CDHR2: variants seen among roughly 807,000 people sequenced by gnomAD.
The protein encoded by CDHR2 is cadherin related family member 2.
A neutral mutation model predicts 138.6 loss-of-function variants in CDHR2; 104 were observed. The observed-to-expected ratio is 0.75, with a 90% confidence interval of 0.64 to 0.88. CDHR2 has a LOEUF of 0.88. Among genes scored for constraint, CDHR2 ranks in the 40% least tolerant of loss-of-function variants. The pLI, the probability that CDHR2 is intolerant of heterozygous loss-of-function variation, is 0.00. For missense variants in CDHR2, 1,624 were observed against 1,727.6 expected (o/e 0.94, Z 1.06); for synonymous variants, 755 against 742.8 (o/e 1.02, Z -0.27).
chr5:176,582,773 C>A (rs757968326), intron 17 of CDHR2, among the ~76,000 whole-genome samples: 20 of 152,144 alleles, frequency 1.3e-4, no homozygotes, highest in Non-Finnish European at 2.6e-4. Context: ...CAGAGCAAGA[C>A]CCTGTCTCAA....
At chr5:176,566,413 C>G (rs1383933413) in intron 3 of CDHR2, among the ~76,000 whole-genome samples, 1 of 152,210 alleles carries the variant, frequency 6.6e-6, no homozygotes, top group Non-Finnish European at 1.5e-5. Flanking sequence ...GGCCTAGATA[C>G]CACATTCCCA....
rs760959230 is a variant in CDHR2 at position 176,584,637 on chromosome 5, CA to C, written c.2357del (p.Gln786ArgfsTer6). On this transcript the variant is annotated frameshift_variant, in exon 19 of 32. Coordinates refer to ENST00000261944, the MANE Select transcript of CDHR2 (RefSeq NM_017675.6). LOFTEE classifies it high-confidence loss of function. ...LTVSAENPDP[Q>X]GGETIVDVCV... ...AGTGAGTGCTGAGAACCCAGACCCCCAGGGGGGTGAGACCATAGTAGACGTC... is the reference window on the plus strand; with the variant it reads ...AGTGAGTGCTGAGAACCCAGACCCCCGGGGGGTGAGACCATAGTAGACGTC... 1.6e-5 allele frequency: 25 copies of C among 1,611,480 alleles called. No individual in the cohort carries two copies. Among genetic ancestry groups the C allele is most frequent in the Non-Finnish European group, 2.1e-5 (25 of 1,178,040 alleles).
chr5:176,544,109 C>T (rs1403198762), intron 1 of CDHR2, among the ~76,000 whole-genome samples: 1 of 152,268 alleles, frequency 6.6e-6, no homozygotes, highest in Non-Finnish European at 1.5e-5. Flanking sequence ...CCACAAGCTG[C>T]ACAACCAGGT....
In CDHR2 at chr5:176,576,188, AGGCGTGGTGGCGTGGGTGTGGGCG is replaced by A. The variant is rs762155920; in HGVS notation, c.1194+6_1194+29del. The A allele has an allele frequency of 7.2e-7, 1 of 1,384,316 alleles. No individual in the cohort carries two copies. Among genetic ancestry groups the A allele is most frequent in the African/African-American group, 1.5e-5 (1 of 68,908 alleles). The allele number at this position is 1,384,316 out of a possible 1,614,324, so 85.8% of individuals were successfully genotyped here. ...TGGTGGTCTACGACCCGGACAAGGC[AGGCGTGGTGGCGTGGGTGTGGGCG>A]GGGGTGGCTGGGGGAGGCCAGTGGG... On this transcript the variant is annotated splice_donor_5th_base_variant and intron_variant, in intron 12 of 31. Coordinates refer to ENST00000261944, the MANE Select transcript of CDHR2 (RefSeq NM_017675.6). This position sits in a 1 kb window ranked among gnomAD's most constrained non-coding sequence, Gnocchi z 4.5.
chr5:176,578,774 C>T (rs1048017797), intron 16 of CDHR2, among the ~76,000 whole-genome samples, 166 bp downstream of exon 16: 9 of 152,202 alleles, frequency 5.9e-5, no homozygotes, highest in African/African-American at 2.2e-4. Flanking sequence ...TAGCCTTACT[C>T]TCAGGGTCAT....
chr5:176,590,672 T>G lies in CDHR2; in HGVS notation c.3524T>G (p.Val1175Gly). 1 of 1,613,364 alleles carries G rather than the reference T, an allele frequency of 6.2e-7. No individual in the cohort carries two copies. The highest frequency in any genetic ancestry group is 8.5e-7 in the Non-Finnish European group (1 of 1,179,960). ...LVLVIMTMAF[V>G]CVRKSYNRKL... The stretch of plus-strand genomic sequence containing the variant: ...CTTGTGATCATGACCATGGCCTTCG[T>G]GTGTGTGCGGAAGAGGTGCGGCTCC... The change falls in exon 28 of 32, where the codon GTG (valine) becomes GGG (glycine). Residue 1175 changes from valine to glycine, a missense_variant. Physicochemically the swap from Val to Gly is moderately radical, Grantham distance 109 (BLOSUM62 -3). Transcript: ENST00000261944.
At chr5:176,569,233 G>A (rs1758162129) in intron 5 of CDHR2, among the ~76,000 whole-genome samples, 1 of 151,258 alleles carries the variant, frequency 6.6e-6, no homozygotes, top group Non-Finnish European at 1.5e-5. Flanking sequence ...ATCATATGAG[G>A]GCTTTTTTGT....
At chr5:176,592,087 GTGGTGGTGA>G (rs1758875949) in intron 30 of CDHR2, among the ~76,000 whole-genome samples, 2 of 64,608 alleles carry the variant, frequency 3.1e-5, no homozygotes, top group South Asian at 3.4e-4. Context: ...TATCGTGGTG[GTGGTGGTGA>G]TGGTGGTGGT....
In CDHR2 at chr5:176,586,843, G is replaced by A. The variant is rs888385926; in HGVS notation, c.2856+1G>A. ...CAACCGGGAGGTGGCTTCTGTCCGG[G>A]TAAGTTCTTGGCTCCAGCCTTTGTT... On this transcript the variant is annotated splice_donor_variant, in intron 21 of 31. Coordinates refer to ENST00000261944, the MANE Select transcript of CDHR2 (RefSeq NM_017675.6). LOFTEE classifies it high-confidence loss of function. The A allele has an allele frequency of 6.2e-7, 1 of 1,608,414 alleles. No individual in the cohort carries two copies. Among genetic ancestry groups the A allele is most frequent in the Non-Finnish European group, 8.5e-7 (1 of 1,177,448 alleles).
chr5:176,549,732 C>T (rs148049467), intron 1 of CDHR2, among the ~76,000 whole-genome samples: 54 of 152,230 alleles, frequency 3.5e-4, no homozygotes, highest in Non-Finnish European at 6.5e-4. Flanking sequence ...CTGGCCTGAC[C>T]CCTTCATAGG....
chr5:176,559,905 C>T (rs543117995), intron 1 of CDHR2, among the ~76,000 whole-genome samples: 30 of 152,122 alleles, frequency 2.0e-4, no homozygotes, highest in East Asian at 1.9e-4. Context: ...TGTTTAACAG[C>T]GAGGAAATAT....
chr5:176,548,249 A>G (rs1299519314), upstream of CDHR2, among the ~76,000 whole-genome samples: 2 of 152,266 alleles, frequency 1.3e-5, no homozygotes, highest in East Asian at 1.9e-4. Context: ...GCATGACTAT[A>G]TATCTATTGT....
At chr5:176,561,207 T>A (rs79605498) in intron 1 of CDHR2, among the ~76,000 whole-genome samples, 3,051 of 152,320 alleles carry the variant, frequency 0.02, 90 homozygotes, top group African/African-American at 0.069. Context: ...ATTATTCCCA[T>A]CTTACAGGTG....
chr5:176,586,820 A>G lies in CDHR2; in HGVS notation c.2834A>G (p.Asn945Ser), dbSNP rs772916061. The G allele has an allele frequency of 4.3e-6, 7 of 1,610,092 alleles. No individual in the cohort carries two copies. Among genetic ancestry groups the G allele is most frequent in the South Asian group, 1.1e-5 (1 of 89,860 alleles). The stretch of plus-strand genomic sequence containing the variant: ...ATCATCCCTGAACTCGTGCTGCCCA[A>G]CCGGGAGGTGGCTTCTGTCCGGGTA... ...FVIIPELVLP[N>S]REVASVRARD... Residue 945 changes from asparagine (N) to serine (S), a missense_variant, in exon 21 of 32, where the codon AAC (asparagine) becomes AGC (serine). By Grantham distance (46) the Asn-to-Ser change is conservative. Coordinates refer to ENST00000261944, the MANE Select transcript of CDHR2 (RefSeq NM_017675.6).
rs779345606 is a variant in CDHR2 at position 176,576,147 on chromosome 5, A to G, written c.1156A>G (p.Ile386Val). The change falls in exon 12 of 32, where the codon ATC becomes GTC. Residue 386 changes from isoleucine (I) to valine (V), a missense_variant. Physicochemically the swap from Ile to Val is conservative, Grantham distance 29. Around this residue, in one of 3 missense-constraint regions of CDHR2, gnomAD observed 1,061 missense variants for 1,136.6 expected, o/e 0.93. Coordinates refer to ENST00000261944, the MANE Select transcript of CDHR2 (RefSeq NM_017675.6). The surrounding 1 kb of genome is among the most constrained non-coding windows in gnomAD (Gnocchi z 4.5). ...CGAGCATGCCTCCCCCCGCATCCCCATCGATGACCTCACCATGGTGGTCTA... is the reference window on the plus strand; with the variant it reads ...CGAGCATGCCTCCCCCCGCATCCCCGTCGATGACCTCACCATGGTGGTCTA... ...VDEHASPRIPIDDLTMVVYDP... is the reference protein window; with the variant it reads ...VDEHASPRIPVDDLTMVVYDP... 1 of 1,613,664 alleles carries G rather than the reference A, an allele frequency of 6.2e-7. No homozygotes were observed. The highest frequency in any genetic ancestry group is 1.7e-5 in the Admixed American group (1 of 60,020).
chr5:176,579,221 A>G (rs1758472766), intron 16 of CDHR2, among the ~76,000 whole-genome samples: 1 of 152,212 alleles, frequency 6.6e-6, no homozygotes, highest in Admixed American at 6.5e-5. Context: ...GTGAGAAACC[A>G]GGTCCTCAGA....
Position 176,590,097 on chromosome 5 carries a change from A to G in CDHR2, c.3226A>G (p.Arg1076Gly), listed in dbSNP as rs1262476750. 1 of 1,613,874 alleles carries G rather than the reference A, an allele frequency of 6.2e-7. No individual in the cohort carries two copies. Among genetic ancestry groups the G allele is most frequent in the Admixed American group, 1.7e-5 (1 of 60,028 alleles). ...AINAALTQAT[R>G]TTVYIVDIQD... The stretch of plus-strand genomic sequence containing the variant: ...TTGCAGGGCTCTTACCCAGGCAACC[A>G]GGACTACAGTATACATTGTGGACAT... Residue 1076 changes from arginine (R) to glycine (G), a missense_variant, in exon 25 of 32, where the codon AGG becomes GGG. This residue lies in a region of CDHR2 where 556 missense variants were observed against 565.7 expected (regional missense o/e 0.98). Coordinates refer to ENST00000261944, the MANE Select transcript of CDHR2 (RefSeq NM_017675.6).
chr5:176,577,134 C>T (rs13182423), intron 12 of CDHR2, among the ~76,000 whole-genome samples: 127,060 of 148,078 alleles, frequency 0.86, 55,685 homozygotes, highest in Non-Finnish European at 0.95. Flanking sequence ...GGAGGGACAG[C>T]TGACAGGAGT....
At chr5:176,579,333 C>T (rs970855641) in intron 16 of CDHR2, among the ~76,000 whole-genome samples, 6 of 152,190 alleles carry the variant, frequency 3.9e-5, no homozygotes, top group East Asian at 1.9e-4. Context: ...TGGAAGCAGG[C>T]GGTCTAATAG....
Sources: gnomAD v4.1 joint callset for allele counts (sites outside exome capture counted in the v4.1 genomes callset) on GRCh38, gnomAD v4.1.1 for gene constraint, gnomAD v4.1.1 regional missense constraint, Gnocchi (gnomAD v3.1) non-coding constraint, MANE v1.5 for transcripts, NCBI Gene and HGNC (gene_info 2026-07-23, HGNC 2026-07-21) for gene names.